AUTS2: variants seen among roughly 807,000 people sequenced by gnomAD.
The protein encoded by AUTS2 is activator of transcription and developmental regulator AUTS2, also known as autism susceptibility gene 2 protein.
In AUTS2, 17 loss-of-function variants were observed where a neutral mutation model predicts 112.4. The observed-to-expected ratio is 0.15, with a 90% CI of 0.10 to 0.23. The LOEUF (loss-of-function observed/expected upper bound fraction) is 0.23. Among genes scored for constraint, AUTS2 ranks in the 10% least tolerant of loss-of-function variants. AUTS2 has a pLI of 1.00. For synonymous variants in AUTS2, 751 were observed against 702.7 expected (o/e 1.07, Z -1.09); for missense variants, 1,510 against 1,701.6 (o/e 0.89, Z 1.98).
At chr7:69,616,479 C>T (rs1793381237) in intron 1 of AUTS2, among the ~76,000 whole-genome samples, 1 of 152,094 alleles carries the variant, frequency 6.6e-6, no homozygotes, top group African/African-American at 2.4e-5. Flanking sequence ...AAAGAGACCA[C>T]CCCCTGAATC....
chr7:70,622,580 A>G (rs1804738390), intron 5 of AUTS2, among the ~76,000 whole-genome samples: 1 of 152,192 alleles, frequency 6.6e-6, no homozygotes, highest in Non-Finnish European at 1.5e-5. Flanking sequence ...TCCTCTTGCC[A>G]AGAATGTTCT....
intron 2 of AUTS2, among the ~76,000 whole-genome samples, chr7:70,063,900 G>A (rs183682028): frequency 6.6e-6 from 1 of 152,208 alleles, no homozygotes; most frequent in Non-Finnish European, 1.5e-5. Flanking sequence ...TTTTTGCTTT[G>A]ACTTTTCTTT....
intron 5 of AUTS2, among the ~76,000 whole-genome samples, chr7:70,495,647 G>A (rs866315176): frequency 3.4e-5 from 4 of 117,594 alleles, no homozygotes; most frequent in East Asian, 2.6e-4. Context: ...ACATGCACAC[G>A]TCACATCAGC....
chr7:70,489,128 G>A (rs778673959), intron 5 of AUTS2, among the ~76,000 whole-genome samples: 1 of 152,124 alleles, frequency 6.6e-6, no homozygotes, highest in African/African-American at 2.4e-5. Context: ...AGACCCCAAA[G>A]CAACTCATTC....
intron 2 of AUTS2, among the ~76,000 whole-genome samples, chr7:69,980,821 C>T (rs1304150384): frequency 6.6e-6 from 1 of 152,014 alleles, no homozygotes; most frequent in Non-Finnish European, 1.5e-5. Flanking sequence ...TTAAAAAGAT[C>T]CCCAGGAGTT....
rs760924209 is a variant in AUTS2 at position 69,899,339 on chromosome 7, G to A, written c.363G>A (p.Leu121=). 4.3e-6 allele frequency: 7 copies of A among 1,613,868 alleles called. No individual in the cohort carries two copies. The highest frequency in any genetic ancestry group is 1.1e-5 in the South Asian group (1 of 91,068). ...GTGTGGAGAAACGCCAGACGCCCCTGACCAAGAAGAAACGAGAAGCACTTA... is the reference window on the plus strand; with the variant it reads ...GTGTGGAGAAACGCCAGACGCCCCTAACCAAGAAGAAACGAGAAGCACTTA... ...QERVEKRQTP[L]TKKKREALTN... Residue 121 remains leucine (L), a synonymous_variant, in exon 2 of 19, where the codon CTG becomes CTA. Transcript: ENST00000342771.
At chr7:69,806,802 C>G (rs540496102) in intron 1 of AUTS2, among the ~76,000 whole-genome samples, 11 of 152,314 alleles carry the variant, frequency 7.2e-5, no homozygotes, top group African/African-American at 2.6e-4. Context: ...TCTACTGTTT[C>G]TCTTCCATAG....
intron 2 of AUTS2, among the ~76,000 whole-genome samples, chr7:69,952,233 C>T (rs1172835075): frequency 6.6e-6 from 1 of 152,034 alleles, no homozygotes; most frequent in Non-Finnish European, 1.5e-5. Flanking sequence ...TTTGTGTACC[C>T]ATACTTTTTG....
At chr7:70,748,045 G>A (rs1788579378) in intron 6 of AUTS2, among the ~76,000 whole-genome samples, 2 of 134,954 alleles carry the variant, frequency 1.5e-5, no homozygotes, top group Admixed American at 1.5e-4. Context: ...AGCAAGGATG[G>A]TCTCAATCTC....
intron 5 of AUTS2, among the ~76,000 whole-genome samples, chr7:70,507,521 G>A (rs1007416597): frequency 2.0e-5 from 3 of 152,084 alleles, no homozygotes; most frequent in Admixed American, 6.5e-5. Context: ...CTAAGGCCGG[G>A]CGCAGTGGCT....
chr7:69,722,100 T>C (rs1470245345), intron 1 of AUTS2, among the ~76,000 whole-genome samples: 1 of 151,916 alleles, frequency 6.6e-6, no homozygotes. Flanking sequence ...AGGATGTGAC[T>C]TTCCCAGCCT....
chr7:70,105,077 A>T (rs940892792), intron 2 of AUTS2, among the ~76,000 whole-genome samples: 29 of 152,236 alleles, frequency 1.9e-4, no homozygotes, highest in African/African-American at 6.8e-4. Context: ...ATAACTGTTG[A>T]TGGCTATACA....
intron 1 of AUTS2, among the ~76,000 whole-genome samples, chr7:69,754,846 C>T (rs1214182261): frequency 6.6e-6 from 1 of 152,132 alleles, no homozygotes; most frequent in African/African-American, 2.4e-5. Context: ...GTTTGCCATC[C>T]CTGGACAGCT....
chr7:70,736,615 T>C (rs1048202370), intron 6 of AUTS2, among the ~76,000 whole-genome samples: 1 of 152,150 alleles, frequency 6.6e-6, no homozygotes, highest in African/African-American at 2.4e-5. Context: ...TGTTCATCCA[T>C]CCAAAGAGGG....
chr7:69,895,102 A>C (rs1192031170), intron 1 of AUTS2, among the ~76,000 whole-genome samples: 1 of 152,178 alleles, frequency 6.6e-6, no homozygotes, highest in Non-Finnish European at 1.5e-5. Flanking sequence ...TGGTGGAGGA[A>C]AGCATTGGTG....
At chr7:69,977,371 G>T (rs1262697477) in intron 2 of AUTS2, among the ~76,000 whole-genome samples, 1 of 152,134 alleles carries the variant, frequency 6.6e-6, no homozygotes, top group Non-Finnish European at 1.5e-5. Flanking sequence ...AAATCAGAAA[G>T]TTTAAGTCCT....
chr7:69,857,603 T>C (rs1211392175), intron 1 of AUTS2, among the ~76,000 whole-genome samples: 4 of 152,156 alleles, frequency 2.6e-5, no homozygotes, highest in South Asian at 2.1e-4. Flanking sequence ...ATATAGATGG[T>C]TCATTTATTA....
At chr7:70,001,345 C>T (rs1033117527) in intron 2 of AUTS2, among the ~76,000 whole-genome samples, 5 of 152,004 alleles carry the variant, frequency 3.3e-5, no homozygotes, top group Non-Finnish European at 1.5e-5. Context: ...AGGCTGGTCT[C>T]GAACACGTGA....
intron 5 of AUTS2, among the ~76,000 whole-genome samples, chr7:70,613,904 C>T (rs1420105139): frequency 2.6e-5 from 4 of 152,216 alleles, no homozygotes; most frequent in African/African-American, 9.7e-5. Flanking sequence ...CATCCACTTA[C>T]GCACTGATTT....
Sources: allele counts gnomAD v4.1 joint callset (sites outside exome capture counted in the v4.1 genomes callset), GRCh38; gene constraint gnomAD v4.1.1; transcripts MANE v1.5; gene names NCBI Gene and HGNC (gene_info 2026-07-23, HGNC 2026-07-21).